NEBL: variants seen among roughly 807,000 people sequenced by gnomAD.
NEBL encodes the protein nebulette, also known as LIM and SH3 protein 2.
NEBL carries 122 observed loss-of-function variants against 140.2 expected under a neutral mutation model. That is an observed-to-expected ratio of 0.87 (90% CI 0.75 to 1.01). NEBL has a LOEUF of 1.01. NEBL is among the 50% of genes least tolerant of loss of function. NEBL has a pLI of 0.00. For missense variants in NEBL, 1,365 were observed against 1,231.3 expected (o/e 1.11, Z -1.62); for synonymous variants, 436 against 398.9 (o/e 1.09, Z -1.11).
At chr10:21,172,206 A>G in intron 2 of NEBL, 2 of 643,860 alleles carry the variant, frequency 3.1e-6, no homozygotes, top group Non-Finnish European at 5.6e-6. Flanking sequence ...TTAGAAAGGT[A>G]TAAAAAGCAG....
At chr10:21,276,757 C>T (rs1204754422) in intron 1 of NEBL, among the ~76,000 whole-genome samples, 1 of 152,106 alleles carries the variant, frequency 6.6e-6, no homozygotes, top group African/African-American at 2.4e-5. Context: ...TCACTTGAGG[C>T]CAAGAGTTCG....
intron 3 of NEBL, among the ~76,000 whole-genome samples, chr10:21,019,344 G>A (rs1358579653): frequency 2.0e-5 from 3 of 152,232 alleles, no homozygotes; most frequent in Admixed American, 2.0e-4. Context: ...AACAGATGAA[G>A]GAGGCCTACA....
At chr10:21,174,166 C>G in exon 1 of NEBL, 8 of 459,462 alleles carry the variant, frequency 1.7e-5, no homozygotes, top group Non-Finnish European at 2.3e-5. Flanking sequence ...GCTCCCCCGC[C>G]TCGCCGCCGC....
intron 3 of NEBL, among the ~76,000 whole-genome samples, chr10:21,011,279 CA>C (rs1233366297): frequency 6.6e-6 from 1 of 152,126 alleles, no homozygotes; most frequent in Admixed American, 6.5e-5. Context: ...AAAGCGTATA[CA>C]ACAGGTCAGC....
At chr10:20,896,001 A>G (rs1425913505) in intron 2 of NEBL, among the ~76,000 whole-genome samples, 1 of 152,182 alleles carries the variant, frequency 6.6e-6, no homozygotes, top group African/African-American at 2.4e-5. Flanking sequence ...CAACCCAGGC[A>G]GGTTGACTTT....
chr10:21,227,695 CTTCTTCTTCTTCTTCTTTCTT>C (rs1842175613), intron 3 of NEBL, among the ~76,000 whole-genome samples: 1 of 90,218 alleles, frequency 1.1e-5, no homozygotes, highest in African/African-American at 6.0e-5. Flanking sequence ...TCTTCTTCTT[CTTCTTCTTCTTCTTCTTTCTT>C]CTTCTTCTTC....
chr10:21,102,034 C>T (rs1433984855), intron 2 of NEBL, among the ~76,000 whole-genome samples: 3 of 152,170 alleles, frequency 2.0e-5, no homozygotes, highest in Non-Finnish European at 4.4e-5. Context: ...TGTAGCATTC[C>T]GTTAAGGGCT....
At chr10:21,207,416 T>A (rs1841844629) in intron 3 of NEBL, among the ~76,000 whole-genome samples, 1 of 152,186 alleles carries the variant, frequency 6.6e-6, no homozygotes, top group Non-Finnish European at 1.5e-5. Context: ...TATAACAATA[T>A]TTCTGCCCAG....
upstream of NEBL, among the ~76,000 whole-genome samples, chr10:21,177,152 A>T (rs549986028): frequency 6.6e-6 from 1 of 152,312 alleles, no homozygotes; most frequent in Non-Finnish European, 1.5e-5. Context: ...ATGGAATGTG[A>T]GTGGACATGA....
Position 20,780,501 on chromosome 10 carries a change from G to C in NEBL, c.*5246C>G, listed in dbSNP as rs1444410073. 1 of 152,110 alleles carries C rather than the reference G, an allele frequency of 6.6e-6. No homozygotes were observed. The highest frequency in any genetic ancestry group is 2.4e-5 in the African/African-American group (1 of 41,418). The allele number at this position is 152,110 out of a possible 1,614,324, so 9.4% of individuals were successfully genotyped here. On this transcript the variant is annotated 3_prime_UTR_variant, in exon 28 of 28. Transcript: ENST00000377122. The stretch of plus-strand genomic sequence containing the variant: ...ATTCACCAATGTAAATGCACTGAAG[G>C]CAGCACACACCTCTGATGCGATTTG...
At chr10:21,039,187 C>T (rs533490476) in intron 2 of NEBL, among the ~76,000 whole-genome samples, 2 of 149,034 alleles carry the variant, frequency 1.3e-5, no homozygotes, top group South Asian at 2.1e-4. Flanking sequence ...CCTGTTCACT[C>T]TGATGATAGT....
chr10:21,224,997 T>TC (rs1842124786), intron 3 of NEBL, among the ~76,000 whole-genome samples: 1 of 152,176 alleles, frequency 6.6e-6, no homozygotes. Flanking sequence ...CCTTTTTTTT[T>TC]CTCTCTTGTC....
chr10:21,209,490 A>C (rs915268943), intron 3 of NEBL, among the ~76,000 whole-genome samples: 1 of 152,044 alleles, frequency 6.6e-6, no homozygotes, highest in African/African-American at 2.4e-5. Flanking sequence ...GATTCTGTTG[A>C]AAAGAAAGAG....
In NEBL at chr10:20,897,108, T is replaced by C; in HGVS notation, c.81+17A>G. 1 of 1,588,878 alleles carries C rather than the reference T, an allele frequency of 6.3e-7. No individual in the cohort carries two copies. Among genetic ancestry groups the C allele is most frequent in the South Asian group, 1.1e-5 (1 of 90,518 alleles). ...AGAGGAACAAACGCTGGTCTGAGTA[T>C]GTGTTTTCTCACTCACCTGGTCTTC... On this transcript the variant is annotated intron_variant, in intron 1 of 27. Coordinates refer to ENST00000377122, the MANE Select transcript of NEBL (RefSeq NM_006393.3).
chr10:21,217,078 G>T lies in NEBL; in HGVS notation n.348+30843C>A, dbSNP rs905315919. On this transcript the variant is annotated intron_variant and non_coding_transcript_variant, in intron 3 of 8. Coordinates refer to the NEBL transcript ENST00000675702. ...CTGGGAAGGGGCTCTGCACTGAGGG[G>T]ACCTGATGTGAGTGTCGTTAGCTTC... Among the ~76,000 whole-genome samples, 12 of 152,162 alleles carry T rather than the reference G, an allele frequency of 7.9e-5. No individual in the cohort carries two copies. In the South Asian group the frequency reaches 1.0e-3, roughly 13 times the overall value.
intron 4 of NEBL, among the ~76,000 whole-genome samples, chr10:20,936,916 A>G (rs1834520991): frequency 6.6e-6 from 1 of 152,200 alleles, no homozygotes; most frequent in South Asian, 2.1e-4. Context: ...GAACAAAAGC[A>G]TAAGAAGGAA....
chr10:20,833,158 A>C (rs1564365573), intron 14 of NEBL, among the ~76,000 whole-genome samples: 1 of 152,176 alleles, frequency 6.6e-6, no homozygotes, highest in African/African-American at 2.4e-5. Context: ...AAACACACCA[A>C]AACTTAGCAG....
At chr10:20,787,985 A>G (rs1424569495) in intron 26 of NEBL, among the ~76,000 whole-genome samples, 3 of 152,178 alleles carry the variant, frequency 2.0e-5, no homozygotes, top group Non-Finnish European at 2.9e-5. Flanking sequence ...TTTCATAAAC[A>G]TTATTCTTCT....
At chr10:21,255,911 G>A (rs1410145058) in intron 1 of NEBL, among the ~76,000 whole-genome samples, 1 of 151,572 alleles carries the variant, frequency 6.6e-6, no homozygotes, top group East Asian at 2.0e-4. Context: ...GAGCCCGGGA[G>A]GCAAAGGTTG....
Sources: allele counts gnomAD v4.1 joint callset (sites outside exome capture counted in the v4.1 genomes callset), GRCh38; gene constraint gnomAD v4.1.1; transcripts MANE v1.5; gene names NCBI Gene and HGNC (gene_info 2026-07-23, HGNC 2026-07-21).